ACCSL: variants seen among roughly 807,000 people sequenced by gnomAD.
ACCSL encodes probable inactive 1-aminocyclopropane-1-carboxylate synthase-like protein 2.
Under a neutral mutation model 61.7 loss-of-function variants are expected in ACCSL, and 55 were observed. That is an observed-to-expected ratio of 0.89 (90% confidence interval 0.72 to 1.12). ACCSL has a LOEUF of 1.12. ACCSL is among the 50% of genes most tolerant of loss of function. ACCSL has a pLI of 0.00. For missense variants in ACCSL, 632 were observed against 698.0 expected (o/e 0.91, Z 1.07); for synonymous variants, 258 against 264.3 (o/e 0.98, Z 0.23).
At chr11:43,958,536 G>A in the ACCSL span, among the ~76,000 whole-genome samples, 5 of 152,298 alleles carry the variant, frequency 3.3e-5, no homozygotes, top group East Asian at 9.6e-4. Context: ...AGCTGCCTCT[G>A]CATGAATTAC....
At chr11:43,928,182 A>T in the ACCSL span, among the ~76,000 whole-genome samples, 1 of 152,130 alleles carries the variant, frequency 6.6e-6, no homozygotes, top group Non-Finnish European at 1.5e-5. Context: ...GGGGAGGAAG[A>T]TGGGCCCACA....
rs1412434386 is a variant in ACCSL, at chr11:44,056,227, CACA to C, written c.1233_1235del (p.Asn411del). 40 of 1,614,084 alleles carry C rather than the reference CACA, an allele frequency of 2.5e-5. No homozygotes were observed. Among genetic ancestry groups the C allele is most frequent in the Non-Finnish European group, 2.8e-5 (33 of 1,180,052 alleles). ...CTTCCGCTTTGGTGCTCTGTATACC[CACA>C]ACAAGGAGGTGGCCTCTGCTGTGAG... On this transcript the variant is annotated inframe_deletion, in exon 11 of 14. Coordinates refer to ENST00000378832, the MANE Select transcript of ACCSL (RefSeq NM_001031854.2).
At chr11:44,001,148 C>T in the ACCSL span, 1 of 152,146 alleles carries the variant, frequency 6.6e-6, no homozygotes, top group East Asian at 1.9e-4. Flanking sequence ...TAAATTCCCT[C>T]ATCTCCGGAA....
At chr11:44,035,622 G>C in the ACCSL span, among the ~76,000 whole-genome samples, 1 of 152,068 alleles carries the variant, frequency 6.6e-6, no homozygotes, top group African/African-American at 2.4e-5. Context: ...GAGAATATCT[G>C]GGAGGCATTA....
chr11:44,039,314 A>G, the ACCSL span, among the ~76,000 whole-genome samples: 2 of 152,076 alleles, frequency 1.3e-5, no homozygotes, highest in African/African-American at 4.8e-5. Context: ...GATTCCTACC[A>G]CTCAGCCATA....
At chr11:43,992,993 C>T in the ACCSL span, among the ~76,000 whole-genome samples, 4,870 of 152,250 alleles carry the variant, frequency 0.032, 142 homozygotes, top group African/African-American at 0.073. Context: ...AAAGTGAGAA[C>T]GTGGAGGAGG....
chr11:43,933,138 G>T, the ACCSL span: 1 of 456,266 alleles, frequency 2.2e-6, no homozygotes, highest in South Asian at 1.5e-5. Flanking sequence ...TTTAACCTTG[G>T]AGCATAAGGT....
At chr11:44,027,742 A>G in the ACCSL span, among the ~76,000 whole-genome samples, 1 of 152,234 alleles carries the variant, frequency 6.6e-6, no homozygotes, top group Non-Finnish European at 1.5e-5. Context: ...AATTTAAGGT[A>G]ATATATAGAT....
chr11:44,050,269 T>C lies in ACCSL; in HGVS notation c.564+148T>C. 3 of 744,266 alleles carry C rather than the reference T, an allele frequency of 4.0e-6. No individual in the cohort carries two copies. In the South Asian group the frequency reaches 5.0e-5, roughly 12 times the overall value. 46.1% of individuals were successfully genotyped at this position (744,266 alleles called of 1,614,324 possible). On this transcript the variant is annotated intron_variant, in intron 2 of 13. Coordinates refer to ENST00000378832, the MANE Select transcript of ACCSL (RefSeq NM_001031854.2). ...AGCTTCTAGAATAGCACATTTAACCTCCTGGCTTTGCTGACTGTCCAGAGA... is the reference window on the plus strand; with the variant it reads ...AGCTTCTAGAATAGCACATTTAACCCCCTGGCTTTGCTGACTGTCCAGAGA...
At chr11:44,005,612 C>T in the ACCSL span, among the ~76,000 whole-genome samples, 41 of 152,142 alleles carry the variant, frequency 2.7e-4, no homozygotes, top group African/African-American at 9.6e-4. Flanking sequence ...CACTGTGCTC[C>T]GTGCTTTGCA....
chr11:44,017,112 T>C, the ACCSL span, among the ~76,000 whole-genome samples: 1 of 152,102 alleles, frequency 6.6e-6, no homozygotes, highest in Non-Finnish European at 1.5e-5. Context: ...GGCACACATA[T>C]GGAAGCAGCC....
the ACCSL span, among the ~76,000 whole-genome samples, chr11:43,964,827 A>C: frequency 8.0e-6 from 1 of 124,992 alleles, no homozygotes; most frequent in Non-Finnish European, 1.6e-5. Context: ...CGTTAAGACA[A>C]CAAAGGGTAA....
At chr11:43,959,396 G>C in the ACCSL span, among the ~76,000 whole-genome samples, 2 of 152,380 alleles carry the variant, frequency 1.3e-5, 1 homozygote, top group Middle Eastern at 6.8e-3. Context: ...TGGACTGCTA[G>C]CTGCGAGAGA....
chr11:44,009,282 C>T, the ACCSL span, among the ~76,000 whole-genome samples: 2 of 152,180 alleles, frequency 1.3e-5, no homozygotes, highest in African/African-American at 4.8e-5. Flanking sequence ...TTGCTTCTCC[C>T]AGCTGCTAAA....
chr11:43,968,613 GT>G, the ACCSL span, among the ~76,000 whole-genome samples: 1,682 of 152,276 alleles, frequency 0.011, 17 homozygotes, highest in Non-Finnish European at 0.015. Flanking sequence ...AGCTTGAGAT[GT>G]TTTAATTTAA....
the ACCSL span, among the ~76,000 whole-genome samples, chr11:43,929,394 C>CATTT: frequency 4.0e-5 from 6 of 151,870 alleles, no homozygotes; most frequent in South Asian, 2.1e-4. Context: ...TAATTTTTAA[C>CATTT]ATTTATTTAT....
the ACCSL span, among the ~76,000 whole-genome samples, chr11:43,963,374 T>G: frequency 2.0e-5 from 3 of 152,216 alleles, no homozygotes; most frequent in African/African-American, 7.2e-5. Context: ...TCCAGTTATA[T>G]GTGAGTGCAA....
At chr11:43,990,961 C>G in the ACCSL span, among the ~76,000 whole-genome samples, 6 of 152,044 alleles carry the variant, frequency 3.9e-5, no homozygotes, top group Admixed American at 3.3e-4. Flanking sequence ...ATCCCAGCTA[C>G]TTGGGAGGCT....
chr11:43,943,814 CT>C, the ACCSL span: 1 of 1,302,410 alleles, frequency 7.7e-7, no homozygotes, highest in Non-Finnish European at 1.0e-6. This position sits in a 1 kb window ranked among gnomAD's most constrained non-coding sequence, Gnocchi z 4.8. Flanking sequence ...ATTTAACGAT[CT>C]TTTTACCTGG....
Sources: gnomAD v4.1 joint callset for allele counts (sites outside exome capture counted in the v4.1 genomes callset) on GRCh38, gnomAD v4.1.1 for gene constraint, Gnocchi (gnomAD v3.1) non-coding constraint, MANE v1.5 for transcripts, NCBI Gene and HGNC (gene_info 2026-07-23, HGNC 2026-07-21) for gene names.